LRP1B: variants seen among roughly 807,000 people sequenced by gnomAD.
LRP1B encodes low-density lipoprotein receptor-related protein 1B.
LRP1B carries 217 observed loss-of-function variants against 556.6 expected under a neutral mutation model. That is an observed-to-expected ratio of 0.39 (90% CI 0.35 to 0.44). The LOEUF (loss-of-function observed/expected upper bound fraction) is 0.44, where lower values mean the gene tolerates loss of function less well. LRP1B is among the 20% of genes least tolerant of loss of function. LRP1B has a pLI of 1.00. For missense variants in LRP1B, 5,053 were observed against 5,620.8 expected (o/e 0.90, Z 3.23); for synonymous variants, 2,047 against 1,865.8 (o/e 1.10, Z -2.50).
chr2:140,574,384 C>T (rs1288997301), intron 43 of LRP1B, among the ~76,000 whole-genome samples: 1 of 152,124 alleles, frequency 6.6e-6, no homozygotes, highest in Non-Finnish European at 1.5e-5. Context: ...GAGGTAGCAA[C>T]AGCACTTTGA....
intron 2 of LRP1B, among the ~76,000 whole-genome samples, chr2:141,550,467 G>T (rs1174882313): frequency 6.6e-6 from 1 of 152,118 alleles, no homozygotes; most frequent in Non-Finnish European, 1.5e-5. Flanking sequence ...AATGCAAATT[G>T]ATTTTTGAAT....
intron 41 of LRP1B, among the ~76,000 whole-genome samples, chr2:140,637,378 A>G (rs1481519749): frequency 1.3e-5 from 2 of 152,188 alleles, no homozygotes; most frequent in Non-Finnish European, 2.9e-5. Context: ...TCTCCTTTCA[A>G]TAGTCCATAC....
chr2:140,989,744 T>A (rs2105353383), intron 16 of LRP1B, 87 bp from the exon 17 acceptor site: 1 of 1,294,566 alleles, frequency 7.7e-7, no homozygotes, highest in Non-Finnish European at 1.1e-6. Context: ...AAAGTTACAG[T>A]AATAATATTA....
At chr2:141,621,689 G>A (rs1437011841) in intron 2 of LRP1B, among the ~76,000 whole-genome samples, 1 of 152,064 alleles carries the variant, frequency 6.6e-6, no homozygotes, top group Admixed American at 6.6e-5. Flanking sequence ...AGGGGAGGCA[G>A]AAAATGAAAT....
At chr2:140,856,734 G>C (rs1267697813) in intron 27 of LRP1B, among the ~76,000 whole-genome samples, 1 of 139,992 alleles carries the variant, frequency 7.1e-6, no homozygotes, top group Non-Finnish European at 1.5e-5. Context: ...GGAACTAAGA[G>C]AGATACACAC....
intron 2 of LRP1B, among the ~76,000 whole-genome samples, chr2:141,638,210 T>C (rs1212831775): frequency 6.6e-6 from 1 of 151,650 alleles, no homozygotes; most frequent in Non-Finnish European, 1.5e-5. Flanking sequence ...TAAAAAAGAA[T>C]CTAGGACTTC....
intron 7 of LRP1B, among the ~76,000 whole-genome samples, chr2:141,113,927 G>A (rs1288017603): frequency 6.6e-6 from 1 of 152,158 alleles, no homozygotes; most frequent in Admixed American, 6.5e-5. Flanking sequence ...GAAAACTCAT[G>A]CAATTTTAAA....
At chr2:141,257,323 T>C (rs1429119233) in intron 3 of LRP1B, among the ~76,000 whole-genome samples, 1 of 152,138 alleles carries the variant, frequency 6.6e-6, no homozygotes, top group East Asian at 1.9e-4. Context: ...ATTCATGTAG[T>C]CTCTACCTTA....
chr2:140,971,324 C>T (rs186117486), intron 18 of LRP1B, among the ~76,000 whole-genome samples: 27 of 152,140 alleles, frequency 1.8e-4, no homozygotes, highest in African/African-American at 6.5e-4. Flanking sequence ...CGATAGCCAC[C>T]AGAAGCTGAA....
At chr2:141,945,240 T>C (rs1574517007) in intron 1 of LRP1B, among the ~76,000 whole-genome samples, 1 of 152,152 alleles carries the variant, frequency 6.6e-6, no homozygotes, top group Admixed American at 6.6e-5. Flanking sequence ...CATTGCTTGC[T>C]TTATATGGTA....
intron 1 of LRP1B, among the ~76,000 whole-genome samples, chr2:141,845,709 T>A (rs560016008): frequency 6.6e-6 from 1 of 151,808 alleles, no homozygotes; most frequent in Non-Finnish European, 1.5e-5. Flanking sequence ...ACTAGAGAAA[T>A]GCAAACACTG....
chr2:141,529,842 C>A (rs1401125184), intron 2 of LRP1B, among the ~76,000 whole-genome samples: 1 of 152,144 alleles, frequency 6.6e-6, no homozygotes, highest in South Asian at 2.1e-4. Context: ...TGACAGCTTG[C>A]TGAATATAAA....
At chr2:141,472,462 C>A (rs1261353055) in intron 3 of LRP1B, among the ~76,000 whole-genome samples, 1 of 152,110 alleles carries the variant, frequency 6.6e-6, no homozygotes, top group Non-Finnish European at 1.5e-5. Context: ...ATCACTTGAA[C>A]CCCGGAGGTG....
intron 1 of LRP1B, among the ~76,000 whole-genome samples, chr2:141,958,310 G>GTT (rs1701317234): frequency 6.6e-6 from 1 of 151,986 alleles, no homozygotes; most frequent in Non-Finnish European, 1.5e-5. Context: ...ACATCTCTGT[G>GTT]ACCTGGATTT....
chr2:141,285,880 A>C (rs1446850749), intron 3 of LRP1B, among the ~76,000 whole-genome samples: 2 of 149,062 alleles, frequency 1.3e-5, no homozygotes, highest in South Asian at 2.1e-4. Context: ...TCCCGGCTAC[A>C]ACGGTGAAAC....
intron 2 of LRP1B, among the ~76,000 whole-genome samples, chr2:141,527,901 C>T (rs1032607910): frequency 1.3e-5 from 2 of 152,044 alleles, no homozygotes; most frequent in Non-Finnish European, 2.9e-5. Flanking sequence ...TTTAACTCTT[C>T]TCATAGTTGT....
chr2:141,422,650 C>G (rs984037255), intron 3 of LRP1B, among the ~76,000 whole-genome samples: 2 of 152,174 alleles, frequency 1.3e-5, no homozygotes, highest in African/African-American at 4.8e-5. Context: ...CTTACCTTTA[C>G]GTACATGTCT....
intron 21 of LRP1B, among the ~76,000 whole-genome samples, chr2:140,912,835 T>G (rs1694462911): frequency 6.6e-6 from 1 of 151,784 alleles, no homozygotes; most frequent in South Asian, 2.1e-4. Flanking sequence ...GTAGAAAACA[T>G]GCTAGCTTCC....
At chr2:141,068,729 G>A (rs1454445807) in intron 7 of LRP1B, among the ~76,000 whole-genome samples, 1 of 151,866 alleles carries the variant, frequency 6.6e-6, no homozygotes, top group Non-Finnish European at 1.5e-5. Flanking sequence ...AAAAGAAAAT[G>A]ATTTGGGGCT....
Sources: allele counts gnomAD v4.1 joint callset (sites outside exome capture counted in the v4.1 genomes callset), GRCh38; gene constraint gnomAD v4.1.1; transcripts MANE v1.5; gene names NCBI Gene and HGNC (gene_info 2026-07-23, HGNC 2026-07-21).